PRKG1: variants seen among roughly 807,000 people sequenced by gnomAD.
PRKG1 encodes the protein cGMP-dependent protein kinase 1.
A neutral mutation model predicts 88.1 loss-of-function variants in PRKG1; 35 were observed. That is an observed-to-expected ratio of 0.40 (90% confidence interval 0.30 to 0.53). PRKG1 has a LOEUF of 0.53. Among genes scored for constraint, PRKG1 ranks in the 20% least tolerant of loss-of-function variants. The pLI is 0.59. For synonymous variants in PRKG1, 303 were observed against 292.5 expected (o/e 1.04, Z -0.37); for missense variants, 540 against 839.8 (o/e 0.64, Z 4.41).
chr10:51,217,524 T>A (rs1388605108), intron 2 of PRKG1, among the ~76,000 whole-genome samples: 1 of 152,074 alleles, frequency 6.6e-6, no homozygotes, highest in African/African-American at 2.4e-5. Flanking sequence ...TTATCGAAAT[T>A]TTTATACATT....
chr10:51,638,752 G>A (rs1042129017), intron 3 of PRKG1, among the ~76,000 whole-genome samples: 2 of 152,142 alleles, frequency 1.3e-5, no homozygotes, highest in Non-Finnish European at 2.9e-5. Context: ...TCATTTGTCG[G>A]TTCAGCTAGT....
chr10:51,165,771 G>A (rs1036440066), intron 2 of PRKG1, among the ~76,000 whole-genome samples: 1 of 152,180 alleles, frequency 6.6e-6, no homozygotes, highest in Non-Finnish European at 1.5e-5. Context: ...GTAATGGTAT[G>A]TTTATTAAGG....
At chr10:52,033,706 C>G (rs2133214032) in intron 5 of PRKG1, among the ~76,000 whole-genome samples, 1 of 152,132 alleles carries the variant, frequency 6.6e-6, no homozygotes, top group East Asian at 1.9e-4. Context: ...GAAAGTAGTG[C>G]AGGAGTGTTT....
chr10:51,385,160 G>A lies in PRKG1; in HGVS notation c.479-82563G>A, dbSNP rs75603818. 2.0e-4 allele frequency among the ~76,000 whole-genome samples: 30 copies of A among 152,300 alleles called. 1 individual carries two copies. In the East Asian group the frequency reaches 4.6e-3, roughly 24 times the overall value. ...AAGGCCTTGTGAAACGGCTTTGGTTGGGTAATGCGATACATTATGTGTTAT... is the reference window on the plus strand; with the variant it reads ...AAGGCCTTGTGAAACGGCTTTGGTTAGGTAATGCGATACATTATGTGTTAT... On this transcript the variant is annotated intron_variant, in intron 2 of 17. Coordinates refer to ENST00000373980, the MANE Select transcript of PRKG1 (RefSeq NM_006258.4).
intron 4 of PRKG1, among the ~76,000 whole-genome samples, chr10:51,884,442 C>G (rs1382098283): frequency 4.0e-5 from 1 of 25,194 alleles, no homozygotes. Context: ...GAAACTCCGT[C>G]TCAAAAAAAA....
chr10:52,035,254 G>C (rs532093326), intron 5 of PRKG1, among the ~76,000 whole-genome samples: 1 of 152,126 alleles, frequency 6.6e-6, no homozygotes, highest in Non-Finnish European at 1.5e-5. Context: ...ATCTGACTCA[G>C]GGCATGTTGA....
chr10:51,966,300 C>T (rs986117369), intron 5 of PRKG1, among the ~76,000 whole-genome samples: 3 of 152,050 alleles, frequency 2.0e-5, no homozygotes, highest in African/African-American at 4.8e-5. Flanking sequence ...CCATAAGCAG[C>T]TTAGTGAGGA....
chr10:51,074,265 C>T (rs1170991773), upstream of PRKG1: 3 of 276,378 alleles, frequency 1.1e-5, no homozygotes, highest in African/African-American at 2.2e-5. Flanking sequence ...TCCTCCCGCT[C>T]CCCCGCCACC....
chr10:51,126,355 T>G (rs1400772570), intron 1 of PRKG1, among the ~76,000 whole-genome samples: 1 of 134,540 alleles, frequency 7.4e-6, no homozygotes, highest in Non-Finnish European at 1.5e-5. Flanking sequence ...TACTTTATAT[T>G]TTATTATTTT....
At chr10:51,070,740 A>G (rs1843814933), upstream of PRKG1, among the ~76,000 whole-genome samples, 2 of 152,186 alleles carry the variant, frequency 1.3e-5, no homozygotes, top group Admixed American at 1.3e-4. Flanking sequence ...GTCAGTTTTT[A>G]TTCTCAATTA....
intron 5 of PRKG1, among the ~76,000 whole-genome samples, chr10:52,002,856 A>T (rs1373671943): frequency 6.6e-6 from 1 of 152,174 alleles, no homozygotes; most frequent in Non-Finnish European, 1.5e-5. Flanking sequence ...GGCATTTTTC[A>T]GTGTACCAAT....
At chr10:51,154,346 G>C (rs1041319266) in intron 2 of PRKG1, among the ~76,000 whole-genome samples, 3 of 151,698 alleles carry the variant, frequency 2.0e-5, no homozygotes, top group Non-Finnish European at 4.4e-5. Context: ...GATGTTGGGG[G>C]GACTGCTGAC....
At chr10:52,230,201 T>G (rs1840489095) in intron 9 of PRKG1, among the ~76,000 whole-genome samples, 1 of 152,182 alleles carries the variant, frequency 6.6e-6, no homozygotes, top group African/African-American at 2.4e-5. Context: ...CTTTATATAG[T>G]AACACCTTAC....
At chr10:52,070,276 CAT>C (rs778995497) in intron 7 of PRKG1, among the ~76,000 whole-genome samples, 1 of 152,182 alleles carries the variant, frequency 6.6e-6, no homozygotes, top group Non-Finnish European at 1.5e-5. Context: ...CTTGCCTACA[CAT>C]GAGTGAATTT....
intron 2 of PRKG1, among the ~76,000 whole-genome samples, chr10:51,203,311 T>G (rs1837961815): frequency 6.6e-6 from 1 of 152,198 alleles, no homozygotes; most frequent in Non-Finnish European, 1.5e-5. Flanking sequence ...CTGAAAATTA[T>G]GAATAAAAGG....
At chr10:52,037,518 A>G (rs1845648153) in intron 5 of PRKG1, among the ~76,000 whole-genome samples, 1 of 152,184 alleles carries the variant, frequency 6.6e-6, no homozygotes, top group South Asian at 2.1e-4. Flanking sequence ...CTAGGGCTGT[A>G]AAGTGTCTCA....
chr10:52,089,858 G>A (rs1179763297), intron 7 of PRKG1, among the ~76,000 whole-genome samples: 2 of 125,446 alleles, frequency 1.6e-5, no homozygotes, highest in Non-Finnish European at 3.1e-5. Context: ...TTGCCAGGCT[G>A]GAGTGCAGTG....
chr10:51,315,646 C>T (rs553833305), intron 2 of PRKG1, among the ~76,000 whole-genome samples: 3 of 152,150 alleles, frequency 2.0e-5, no homozygotes, highest in Non-Finnish European at 4.4e-5. Context: ...AGTAACTTTC[C>T]TGAGACCACA....
intron 4 of PRKG1, 50 bp downstream of exon 4, chr10:51,804,740 C>G (rs1268492315): frequency 7.5e-7 from 1 of 1,334,834 alleles, no homozygotes; most frequent in African/African-American, 1.5e-5. Flanking sequence ...CCTTTTAGCC[C>G]TATTATCTGA....
Sources: gnomAD v4.1 joint callset for allele counts (sites outside exome capture counted in the v4.1 genomes callset) on GRCh38, gnomAD v4.1.1 for gene constraint, MANE v1.5 for transcripts, NCBI Gene and HGNC (gene_info 2026-07-23, HGNC 2026-07-21) for gene names.